The following MAF variants were observed in gnomAD, a reference collection of about 807,000 sequenced individuals.
MAF encodes MAF bZIP transcription factor.
Under a neutral mutation model 22.0 loss-of-function variants are expected in MAF, and 10 were observed. The ratio of observed to expected loss-of-function variants is 0.45; its 90% CI spans 0.28 to 0.77. The LOEUF is 0.77. Ranked by LOEUF, MAF falls within the 30% of genes least tolerant of loss-of-function variation. The probability of loss-of-function intolerance (pLI) is 0.12; values close to 1 mark genes in which losing one functional copy is unlikely to be tolerated. For synonymous variants in MAF, 337 were observed against 255.8 expected (o/e 1.32, Z -3.03); for missense variants, 544 against 548.4 (o/e 0.99, Z 0.08).
chr16:79,246,882 T>A, the MAF span, among the ~76,000 whole-genome samples: 1 of 149,584 alleles, frequency 6.7e-6, no homozygotes, highest in Non-Finnish European at 1.5e-5. Context: ...TACCTTTCAA[T>A]AATTTTAACT....
chr16:79,284,989 T>A, the MAF span, among the ~76,000 whole-genome samples: 3 of 152,238 alleles, frequency 2.0e-5, no homozygotes, highest in East Asian at 5.8e-4. Context: ...AATAGAAACG[T>A]ACGGCATCAC....
the MAF span, among the ~76,000 whole-genome samples, chr16:79,288,629 A>G: frequency 5.3e-5 from 8 of 152,246 alleles, no homozygotes; most frequent in African/African-American, 1.9e-4. Context: ...ATAGAAATAG[A>G]TAATAAGCTT....
the MAF span, among the ~76,000 whole-genome samples, chr16:79,569,925 G>A: frequency 6.6e-6 from 1 of 151,950 alleles, no homozygotes; most frequent in Non-Finnish European, 1.5e-5. Context: ...CTGGAATCCG[G>A]GAGGGATGCA....
chr16:79,587,620 T>C (rs1912926511), intron 1 of MAF, among the ~76,000 whole-genome samples: 1 of 152,188 alleles, frequency 6.6e-6, no homozygotes, highest in African/African-American at 2.4e-5. Context: ...TAGAAAATTA[T>C]TACAGAGCAA....
rs1200067208 is a variant in MAF, at chr16:79,600,079, C to T, written c.-177G>A. 3 of 731,164 alleles carry T rather than the reference C, an allele frequency of 4.1e-6. No homozygotes were observed. Among genetic ancestry groups the T allele is most frequent in the East Asian group, 6.1e-5 (2 of 32,686 alleles). The allele number at this position is 731,164 out of a possible 1,614,324, so 45.3% of individuals were successfully genotyped here. A position where few individuals can be genotyped will look rare whatever the true frequency, so the allele number is the denominator to read the frequency against. On this transcript the variant is annotated 5_prime_UTR_variant, in exon 1 of 2. Transcript: ENST00000326043. ...GAGCGCGCTCACACACACACCCCCCCGCCCTGCCCGCGCCCCCCGCGCCCG... is the reference window on the plus strand; with the variant it reads ...GAGCGCGCTCACACACACACCCCCCTGCCCTGCCCGCGCCCCCCGCGCCCG...
At chr16:79,362,132 C>G in the MAF span, among the ~76,000 whole-genome samples, 1 of 152,144 alleles carries the variant, frequency 6.6e-6, no homozygotes, top group Non-Finnish European at 1.5e-5. Context: ...CAAAATGGTG[C>G]TATTCACAGT....
At chr16:79,569,828 G>A in the MAF span, among the ~76,000 whole-genome samples, 5 of 152,128 alleles carry the variant, frequency 3.3e-5, no homozygotes, top group Admixed American at 2.0e-4. Flanking sequence ...CAACCTAGAG[G>A]GAGCTGTCCC....
At chr16:79,462,063 T>C in the MAF span, among the ~76,000 whole-genome samples, 3 of 152,324 alleles carry the variant, frequency 2.0e-5, no homozygotes, top group South Asian at 2.1e-4. Context: ...TGGCTCTCTC[T>C]GTTTTCCCCG....
At chr16:79,231,100 T>C in the MAF span, among the ~76,000 whole-genome samples, 2 of 151,740 alleles carry the variant, frequency 1.3e-5, no homozygotes, top group Admixed American at 6.6e-5. Flanking sequence ...AAAAATGGAG[T>C]AAAAATAGCT....
chr16:79,349,015 C>T, the MAF span, among the ~76,000 whole-genome samples: 1 of 152,146 alleles, frequency 6.6e-6, no homozygotes, highest in South Asian at 2.1e-4. Context: ...ATTGCTCTTC[C>T]CCCAGATGTG....
chr16:79,306,694 TTCA>T, the MAF span, among the ~76,000 whole-genome samples: 28 of 152,058 alleles, frequency 1.8e-4, no homozygotes, highest in Middle Eastern at 3.4e-3. Context: ...TGCCAGCAGG[TTCA>T]TCATCATCAT....
the MAF span, among the ~76,000 whole-genome samples, chr16:79,553,880 A>C: frequency 3.1e-4 from 47 of 152,042 alleles, 1 homozygote; most frequent in Non-Finnish European, 5.6e-4. Context: ...TTTGAGGTCA[A>C]GAGCTCGAGA....
chr16:79,567,457 C>A, the MAF span, among the ~76,000 whole-genome samples: 108 of 149,900 alleles, frequency 7.2e-4, 2 homozygotes, highest in East Asian at 0.019. Flanking sequence ...TCCATAGAAG[C>A]CACAAGGCAA....
the MAF span, among the ~76,000 whole-genome samples, chr16:79,472,761 A>G: frequency 6.6e-6 from 1 of 152,128 alleles, no homozygotes; most frequent in African/African-American, 2.4e-5. Flanking sequence ...AAATTGGTGA[A>G]TTTTATAGTA....
chr16:79,380,321 C>G, the MAF span, among the ~76,000 whole-genome samples: 23 of 152,236 alleles, frequency 1.5e-4, 1 homozygote, highest in East Asian at 4.4e-3. Flanking sequence ...ACCTCAAGGG[C>G]AGTTGTGAAT....
the MAF span, among the ~76,000 whole-genome samples, chr16:79,421,459 T>C: frequency 6.6e-6 from 1 of 152,202 alleles, no homozygotes; most frequent in Non-Finnish European, 1.5e-5. Flanking sequence ...TGTCATGTAG[T>C]TGGATTCATA....
the MAF span, among the ~76,000 whole-genome samples, chr16:79,574,629 G>C: frequency 8.5e-5 from 13 of 152,112 alleles, no homozygotes; most frequent in Non-Finnish European, 1.8e-4. Context: ...AGAAGAGTGA[G>C]ACTCAGCAGG....
At chr16:79,563,119 C>T in the MAF span, among the ~76,000 whole-genome samples, 2 of 152,144 alleles carry the variant, frequency 1.3e-5, no homozygotes, top group Non-Finnish European at 2.9e-5. Context: ...GAGGATTTAT[C>T]GTACGGGCTG....
chr16:79,529,072 C>G, the MAF span, among the ~76,000 whole-genome samples: 5 of 152,164 alleles, frequency 3.3e-5, no homozygotes, highest in African/African-American at 7.2e-5. Context: ...TCAACCCAAG[C>G]TTTTCTCCCA....
Sources: allele counts gnomAD v4.1 joint callset (sites outside exome capture counted in the v4.1 genomes callset), GRCh38; gene constraint gnomAD v4.1.1; transcripts MANE v1.5; gene names NCBI Gene and HGNC (gene_info 2026-07-23, HGNC 2026-07-21).